Variants in RIMKLA observed in about 807,000 individuals in gnomAD.
RIMKLA encodes the protein ribosomal modification protein rimK like family member A, also known as N-acetylaspartylglutamate synthase A.
Under a neutral mutation model 32.7 loss-of-function variants are expected in RIMKLA, and 14 were observed. The ratio of observed to expected loss-of-function variants is 0.43; its 90% CI spans 0.28 to 0.67. The LOEUF (loss-of-function observed/expected upper bound fraction) is 0.67. Ranked by LOEUF, RIMKLA falls within the 30% of genes least tolerant of loss-of-function variation. RIMKLA has a pLI of 0.18. For missense variants in RIMKLA, 410 were observed against 519.0 expected (o/e 0.79, Z 2.04); for synonymous variants, 176 against 204.1 (o/e 0.86, Z 1.18).
At chr1:42,390,036 C>CT (rs35754511) in intron 1 of RIMKLA, among the ~76,000 whole-genome samples, 20,112 of 111,650 alleles carry the variant, frequency 0.18, 2,200 homozygotes, top group South Asian at 0.27. Context: ...TTTTCTTTTC[C>CT]TTTTTTTTTT....
intron 1 of RIMKLA, among the ~76,000 whole-genome samples, chr1:42,398,349 GTGGATTGGTTGTCTT>G (rs1643065104): frequency 6.6e-6 from 1 of 152,216 alleles, no homozygotes; most frequent in Non-Finnish European, 1.5e-5. Context: ...ATCTTGCAAA[GTGGATTGGTTGTCTT>G]TGGATGCATT....
chr1:42,399,542 G>A lies in RIMKLA; in HGVS notation c.302G>A (p.Arg101His), dbSNP rs769155634. 4 of 1,613,394 alleles carry A rather than the reference G, an allele frequency of 2.5e-6. No individual in the cohort carries two copies. The highest frequency in any genetic ancestry group is 1.6e-4 in the Middle Eastern group (1 of 6,062). Reference protein sequence around the residue: ...LEKLGCRLVNRPQSILNCINK... With the variant: ...LEKLGCRLVNHPQSILNCINK... ...AAGCTGGGCTGCCGGTTGGTCAATC[G>A]CCCACAGAGCATCTTAAATTGCATC... is the stretch of plus-strand genomic sequence containing the variant. The change falls in exon 2 of 5, where the codon CGC becomes CAC. Residue 101 changes from arginine to histidine, a missense_variant. Coordinates refer to ENST00000431473, the MANE Select transcript of RIMKLA (RefSeq NM_173642.4).
intron 2 of RIMKLA, among the ~76,000 whole-genome samples, chr1:42,402,561 C>A (rs1180820618): frequency 2.0e-5 from 3 of 151,070 alleles, no homozygotes; most frequent in Admixed American, 6.6e-5. Context: ...TTTTCCTCTA[C>A]AGCCACCAGA....
intron 3 of RIMKLA, among the ~76,000 whole-genome samples, chr1:42,406,059 C>G (rs963471861): frequency 6.6e-6 from 1 of 152,126 alleles, no homozygotes; most frequent in Non-Finnish European, 1.5e-5. Flanking sequence ...ACATAAAATT[C>G]ACATATTTAT....
At position 42,417,866 on chromosome 1, in the gene RIMKLA, GT is replaced by G. The variant is rs1205909466; in HGVS notation, c.*2893del. 1 of 151,564 alleles carries G rather than the reference GT, an allele frequency of 6.6e-6. No individual in the cohort carries two copies. The highest frequency in any genetic ancestry group is 6.6e-5 in the Admixed American group (1 of 15,232). 9.4% of individuals were successfully genotyped at this position (151,564 alleles called of 1,614,324 possible). On this transcript the variant is annotated 3_prime_UTR_variant, in exon 5 of 5. Coordinates refer to ENST00000431473, the MANE Select transcript of RIMKLA (RefSeq NM_173642.4). ...CAGGAGAATTGCTTGAACCTTGGAG[GT>G]GGAGGCTGCAGTGAGCCAAGATTAT...
At chr1:42,387,495 A>G (rs1043944949) in intron 1 of RIMKLA, among the ~76,000 whole-genome samples, 16 of 152,320 alleles carry the variant, frequency 1.1e-4, no homozygotes, top group East Asian at 3.9e-4. Flanking sequence ...CTGCATTCCT[A>G]TAACTCTGTT....
At chr1:42,397,645 A>T (rs967416513) in intron 1 of RIMKLA, among the ~76,000 whole-genome samples, 1 of 152,134 alleles carries the variant, frequency 6.6e-6, no homozygotes, top group Admixed American at 6.6e-5. Flanking sequence ...GGATCGCTTG[A>T]GCCTAGGAGT....
Position 42,399,548 on chromosome 1 carries a change from A to C in RIMKLA, c.308A>C (p.Gln103Pro). 1 of 1,613,592 alleles carries C rather than the reference A, an allele frequency of 6.2e-7. No homozygotes were observed. The highest frequency in any genetic ancestry group is 8.5e-7 in the Non-Finnish European group (1 of 1,179,836). ...GGCTGCCGGTTGGTCAATCGCCCAC[A>C]GAGCATCTTAAATTGCATCAACAAA... ...KLGCRLVNRPQSILNCINKFW... is the reference protein window; with the variant it reads ...KLGCRLVNRPPSILNCINKFW... The change falls in exon 2 of 5, where the codon CAG (glutamine) becomes CCG (proline). Residue 103 changes from glutamine (Q) to proline (P), a missense_variant. Coordinates refer to ENST00000431473, the MANE Select transcript of RIMKLA (RefSeq NM_173642.4).
At chr1:42,387,169 A>G (rs928198120) in intron 1 of RIMKLA, among the ~76,000 whole-genome samples, 3 of 152,206 alleles carry the variant, frequency 2.0e-5, no homozygotes, top group African/African-American at 7.2e-5. Context: ...TGAACCTGGG[A>G]GGCGGAGGTT....
intron 1 of RIMKLA, among the ~76,000 whole-genome samples, chr1:42,394,283 T>C (rs1224112927): frequency 1.3e-5 from 2 of 152,264 alleles, no homozygotes; most frequent in Non-Finnish European, 2.9e-5. Context: ...TTTTCTGGCA[T>C]ACCAGACATC....
chr1:42,409,869 C>T, intron 3 of RIMKLA, 115 bp from the exon 4 acceptor site: 1 of 793,720 alleles, frequency 1.3e-6, no homozygotes, highest in South Asian at 1.6e-5. Flanking sequence ...TAGAAGGGAC[C>T]AAAGTGAGGC....
At chr1:42,413,394 G>A (rs891817706) in intron 4 of RIMKLA, among the ~76,000 whole-genome samples, 1 of 150,296 alleles carries the variant, frequency 6.7e-6, no homozygotes, top group South Asian at 2.1e-4. Flanking sequence ...CCATCTACTC[G>A]GCAGGCTGAG....
chr1:42,398,762 T>C (rs541354654), intron 1 of RIMKLA, among the ~76,000 whole-genome samples: 12 of 151,088 alleles, frequency 7.9e-5, no homozygotes, highest in South Asian at 4.2e-4. Context: ...AGCTCAGGAG[T>C]GTGAGATCAG....
At chr1:42,392,086 ATTGAT>A (rs1271086449) in intron 1 of RIMKLA, among the ~76,000 whole-genome samples, 3 of 152,150 alleles carry the variant, frequency 2.0e-5, no homozygotes, top group Non-Finnish European at 4.4e-5. Context: ...ATGTCTTACT[ATTGAT>A]TTGTTTGAGA....
rs375462061 is a variant in RIMKLA at position 42,414,817 on chromosome 1, A to G, written c.1019A>G (p.Tyr340Cys). The change falls in exon 5 of 5, where the codon TAT becomes TGT. Residue 340 changes from tyrosine (Y) to cysteine (C), a missense_variant. Coordinates refer to ENST00000431473, the MANE Select transcript of RIMKLA (RefSeq NM_173642.4). The part of the protein sequence containing the change: ...ASAQGVAESV[Y>C]TINSGSTSSE... ...GCTCAGGGAGTTGCAGAGAGCGTCT[A>G]TACCATCAACAGTGGGTCTACCTCT... The G allele has an allele frequency of 1.1e-4, 170 of 1,614,100 alleles. No individual in the cohort carries two copies. In the Middle Eastern group the frequency reaches 2.5e-3, roughly 23 times the overall value.
intron 1 of RIMKLA, among the ~76,000 whole-genome samples, chr1:42,389,913 G>A (rs1056333943): frequency 2.0e-5 from 3 of 152,142 alleles, no homozygotes; most frequent in Admixed American, 6.5e-5. Context: ...GCAGTTTCAG[G>A]TAAGTGGTAG....
At chr1:42,381,585 C>T (rs1366521561) in intron 1 of RIMKLA, among the ~76,000 whole-genome samples, 1 of 152,144 alleles carries the variant, frequency 6.6e-6, no homozygotes, top group African/African-American at 2.4e-5. Flanking sequence ...AACTAGAAAG[C>T]CACATATGGG....
Position 42,401,132 on chromosome 1 carries a change from G to A in RIMKLA, c.394+1498G>A, listed in dbSNP as rs1643093514. Among the ~76,000 whole-genome samples the A allele has an allele frequency of 2.0e-5, 3 of 152,022 alleles. No individual in the cohort carries two copies. The South Asian group carries it at 6.2e-4, about 32-fold the overall frequency. On this transcript the variant is annotated intron_variant, in intron 2 of 4. Transcript: ENST00000431473. ...CATTAGTTAGATTCTCATAAGCGGT[G>A]CACAACCTAGATCCCCCTGCATGTG...
rs947089745 is a variant in RIMKLA, at chr1:42,411,803, T to C, written c.685+1616T>C. 5.9e-5 allele frequency among the ~76,000 whole-genome samples: 9 copies of C among 152,234 alleles called. No individual in the cohort carries two copies. In the East Asian group the frequency reaches 1.2e-3, roughly 20 times the overall value. ...ATTCTGCCTCAGCCTCCCGAGTAGC[T>C]GGGACTACAGGTGCACACCACCATG... On this transcript the variant is annotated intron_variant, in intron 4 of 4. Coordinates refer to ENST00000431473, the MANE Select transcript of RIMKLA (RefSeq NM_173642.4).
Sources: allele counts gnomAD v4.1 joint callset (sites outside exome capture counted in the v4.1 genomes callset), GRCh38; gene constraint gnomAD v4.1.1; transcripts MANE v1.5; gene names NCBI Gene and HGNC (gene_info 2026-07-23, HGNC 2026-07-21).